The following NDRG3 variants were observed in gnomAD, a reference collection of about 807,000 sequenced individuals.
NDRG3 encodes the protein protein NDRG3.
Under a neutral mutation model 57.2 loss-of-function variants are expected in NDRG3, and 23 were observed. The ratio of observed to expected loss-of-function variants is 0.40; its 90% CI spans 0.29 to 0.57. NDRG3 has a LOEUF of 0.57. NDRG3 is among the 20% of genes least tolerant of loss of function. The pLI, the probability that NDRG3 is intolerant of heterozygous loss-of-function variation, is 0.42. For missense variants in NDRG3, 384 were observed against 457.3 expected, an observed-to-expected ratio of 0.84 and a Z score of 1.46; for synonymous variants, 132 against 162.6, an observed-to-expected ratio of 0.81 and a Z score of 1.43.
intron 1 of NDRG3, among the ~76,000 whole-genome samples, chr20:36,727,542 T>C (rs1985014040): frequency 6.6e-6 from 1 of 150,470 alleles, no homozygotes; most frequent in Admixed American, 6.6e-5. Context: ...TTTTTTCTTT[T>C]CTTTTCTTTT....
chr20:36,665,074 C>G lies in NDRG3; in HGVS notation c.782G>C (p.Gly261Ala). Residue 261 changes from glycine to alanine, a missense_variant, in exon 12 of 16, where the codon GGG becomes GCG. Gly to Ala is a moderately conservative substitution (Grantham distance 60). Coordinates refer to ENST00000349004, the MANE Select transcript of NDRG3 (RefSeq NM_032013.4). Reference sequence around the variant, plus strand: ...AGCCTCAACTGCAGGCGAATTGTCCCCTACCACCAGTAAAGTAGAACACCT... The same window carrying G: ...AGCCTCAACTGCAGGCGAATTGTCCGCTACCACCAGTAAAGTAGAACACCT... ...TLKCSTLLVV[G>A]DNSPAVEAVV... 6.2e-7 allele frequency: 1 copy of G among 1,614,110 alleles called. No individual in the cohort carries two copies. The highest frequency in any genetic ancestry group is 8.5e-7 in the Non-Finnish European group (1 of 1,180,012).
intron 8 of NDRG3, among the ~76,000 whole-genome samples, chr20:36,672,041 C>A (rs559230759): frequency 6.6e-6 from 1 of 152,124 alleles, no homozygotes; most frequent in African/African-American, 2.4e-5. Context: ...TGTATTTACA[C>A]TGGATTTATG....
At chr20:36,739,151 A>T (rs1414081636) in intron 1 of NDRG3, among the ~76,000 whole-genome samples, 10 of 141,858 alleles carry the variant, frequency 7.0e-5, no homozygotes, top group East Asian at 2.0e-4. Context: ...AAAAAAAAAA[A>T]AAAAAAAAAA....
intron 1 of NDRG3, among the ~76,000 whole-genome samples, chr20:36,740,348 A>C (rs1423892649): frequency 1.3e-5 from 2 of 151,582 alleles, no homozygotes; most frequent in Non-Finnish European, 2.9e-5. Flanking sequence ...ATCAACAACA[A>C]TTTTTTTTTG....
chr20:36,686,908 G>A (rs984314584), intron 5 of NDRG3, among the ~76,000 whole-genome samples: 5 of 152,098 alleles, frequency 3.3e-5, no homozygotes, highest in Admixed American at 1.3e-4. Flanking sequence ...TGGGGACAGG[G>A]TCTTGCTCAG....
At chr20:36,731,765 G>C (rs1056164959) in intron 1 of NDRG3, among the ~76,000 whole-genome samples, 1 of 151,158 alleles carries the variant, frequency 6.6e-6, no homozygotes, top group Non-Finnish European at 1.5e-5. Flanking sequence ...AGCCGAGATC[G>C]CACCACTGTG....
chr20:36,675,039 C>T (rs1342167965), intron 8 of NDRG3, among the ~76,000 whole-genome samples: 2 of 148,768 alleles, frequency 1.3e-5, no homozygotes, highest in Non-Finnish European at 3.0e-5. Context: ...GAACCACAGA[C>T]GTGTGCCACC....
chr20:36,697,671 G>A (rs1399048735), intron 3 of NDRG3, among the ~76,000 whole-genome samples: 2 of 149,582 alleles, frequency 1.3e-5, no homozygotes, highest in Admixed American at 6.7e-5. Context: ...CCGTGCCATC[G>A]CACTCCAGCC....
At chr20:36,676,396 G>A (rs1039202438) in intron 8 of NDRG3, among the ~76,000 whole-genome samples, 1 of 152,146 alleles carries the variant, frequency 6.6e-6, no homozygotes, top group African/African-American at 2.4e-5. Flanking sequence ...CATAACATTT[G>A]TACTTCATCA....
At chr20:36,723,707 TTTTG>T (rs1486241338) in intron 1 of NDRG3, among the ~76,000 whole-genome samples, 6 of 146,774 alleles carry the variant, frequency 4.1e-5, no homozygotes, top group Non-Finnish European at 6.0e-5. Context: ...TGTCTGGTGT[TTTTG>T]TTTTTTTTTT....
chr20:36,668,370 C>T (rs1181582298), intron 9 of NDRG3, among the ~76,000 whole-genome samples: 1 of 152,168 alleles, frequency 6.6e-6, no homozygotes, highest in Non-Finnish European at 1.5e-5. Context: ...ATATATAGAG[C>T]TATCTCATTT....
At chr20:36,724,179 CAAAA>C (rs1186050942) in intron 1 of NDRG3, among the ~76,000 whole-genome samples, 1 of 152,112 alleles carries the variant, frequency 6.6e-6, no homozygotes, top group Non-Finnish European at 1.5e-5. Context: ...AACAGACTAA[CAAAA>C]AAGCCCTCTT....
At chr20:36,736,377 G>A (rs1330368579) in intron 1 of NDRG3, among the ~76,000 whole-genome samples, 4 of 152,194 alleles carry the variant, frequency 2.6e-5, no homozygotes, top group Non-Finnish European at 5.9e-5. Context: ...ATTCTCCAAT[G>A]AGAAAAGAGG....
At position 36,730,579 on chromosome 20, in the gene NDRG3, G is replaced by C. The variant is rs76132186; in HGVS notation, c.-48-8796C>G. On this transcript the variant is annotated intron_variant, in intron 1 of 15. Coordinates refer to ENST00000349004, the MANE Select transcript of NDRG3 (RefSeq NM_032013.4). Reference sequence around the variant, plus strand: ...CTGAAAGGTAACAAGGGTCTGTCAGGCTCCTGAAATTACGAAATGTGAAAA... The same window carrying C: ...CTGAAAGGTAACAAGGGTCTGTCAGCCTCCTGAAATTACGAAATGTGAAAA... Among the ~76,000 whole-genome samples the C allele has an allele frequency of 5.7e-3, 864 of 151,964 alleles. 9 individuals are homozygous for C. The highest frequency in any genetic ancestry group is 0.02 in the African/African-American group (840 of 41,450).
At chr20:36,664,299 T>C (rs1465795355) in intron 12 of NDRG3, among the ~76,000 whole-genome samples, 1 of 152,186 alleles carries the variant, frequency 6.6e-6, no homozygotes, top group Non-Finnish European at 1.5e-5. Flanking sequence ...CTTTAGGTAA[T>C]GGGATCATGA....
At chr20:36,744,314 G>C (rs956659881) in intron 1 of NDRG3, among the ~76,000 whole-genome samples, 5 of 152,090 alleles carry the variant, frequency 3.3e-5, no homozygotes, top group African/African-American at 1.2e-4. Flanking sequence ...TGAAGGAAGA[G>C]ACAAGCAAAG....
chr20:36,669,059 T>A lies in NDRG3; in HGVS notation c.588+2282A>T, dbSNP rs1484721492. On this transcript the variant is annotated intron_variant, in intron 9 of 15. Transcript: ENST00000349004. ...CTACTAAGCCCGTCTGATTTTTGAATTTTTTTTTTTTTTTGAGACAGAGTT... is the reference window on the plus strand; with the variant it reads ...CTACTAAGCCCGTCTGATTTTTGAAATTTTTTTTTTTTTTGAGACAGAGTT... Among the ~76,000 whole-genome samples, 16 of 142,986 alleles carry A rather than the reference T, an allele frequency of 1.1e-4. No homozygotes were observed. The South Asian group carries it at 1.5e-3, about 14-fold the overall frequency. 93.8% of individuals were successfully genotyped at this position (142,986 alleles called of 152,430 possible).
chr20:36,660,572 T>TTTATTTATTTATTTATTTA lies in NDRG3; in HGVS notation c.811-189_811-188insTAAATAAATAAATAAATAA, dbSNP rs1568622567. ...TATTTATTTATTTATTTATTTATTTTTTTTTTGAGACGGAGTCTCGCTCTG... is the reference window on the plus strand; with the variant it reads ...TATTTATTTATTTATTTATTTATTTTTTATTTATTTATTTATTTATTTTTTGAGACGGAGTCTCGCTCTG... On this transcript the variant is annotated intron_variant, in intron 12 of 15. Coordinates refer to ENST00000349004, the MANE Select transcript of NDRG3 (RefSeq NM_032013.4). Among the ~76,000 whole-genome samples, 377 of 147,648 alleles carry TTTATTTATTTATTTATTTA rather than the reference T, an allele frequency of 2.6e-3. 2 individuals carry two copies. Among genetic ancestry groups the TTTATTTATTTATTTATTTA allele is most frequent in the African/African-American group, 9.3e-3 (360 of 38,908 alleles).
intron 2 of NDRG3, among the ~76,000 whole-genome samples, chr20:36,712,004 C>T (rs1983911753): frequency 6.6e-6 from 1 of 152,202 alleles, no homozygotes; most frequent in Admixed American, 6.5e-5. Context: ...TGGTCTCGAT[C>T]TCCTGACCTC....
Sources: allele counts gnomAD v4.1 joint callset (sites outside exome capture counted in the v4.1 genomes callset), GRCh38; gene constraint gnomAD v4.1.1; transcripts MANE v1.5; gene names NCBI Gene and HGNC (gene_info 2026-07-23, HGNC 2026-07-21).